CLIP1: variants seen among roughly 807,000 people sequenced by gnomAD.
CLIP1 encodes CAP-Gly domain containing linker protein 1.
Under a neutral mutation model 161.6 loss-of-function variants are expected in CLIP1, and 66 were observed. The observed-to-expected ratio is 0.41, with a 90% confidence interval of 0.33 to 0.50. CLIP1 has a LOEUF of 0.50. Among genes scored for constraint, CLIP1 ranks in the 20% least tolerant of loss-of-function variants. The pLI is 0.27. For missense variants in CLIP1, 1,376 were observed against 1,702.0 expected (o/e 0.81, Z 3.37); for synonymous variants, 598 against 626.2 (o/e 0.96, Z 0.67).
rs558821773 is a variant in CLIP1, at chr12:122,311,579, C to T, written c.3474-1697G>A. 5.3e-5 allele frequency among the ~76,000 whole-genome samples: 8 copies of T among 152,150 alleles called. No homozygotes were observed. The highest frequency in any genetic ancestry group is 9.6e-5 in the African/African-American group (4 of 41,514). ...AACTGGGACTACAGGTGTCCGCCAC[C>T]GCGCCCAGCCAATTTTTGTATTTTT... On this transcript the variant is annotated intron_variant, in intron 19 of 25. Transcript: ENST00000620786. This position sits in a 1 kb window ranked among gnomAD's most constrained non-coding sequence, Gnocchi z 4.3.
At chr12:122,421,280 C>A (rs1438262326) in intron 1 of CLIP1, among the ~76,000 whole-genome samples, 2 of 151,662 alleles carry the variant, frequency 1.3e-5, no homozygotes, top group African/African-American at 2.4e-5. Flanking sequence ...AAAAAAGGCC[C>A]CAAGTCTGAG....
chr12:122,377,487 T>G lies in CLIP1; in HGVS notation c.559A>C (p.Asn187His). 1 of 1,614,130 alleles carries G rather than the reference T, an allele frequency of 6.2e-7. No homozygotes were observed. The highest frequency in any genetic ancestry group is 8.5e-7 in the Non-Finnish European group (1 of 1,180,030). The change falls in exon 3 of 26, where the codon AAC becomes CAC. Residue 187 changes from asparagine to histidine, a missense_variant. By Grantham distance (68) the Asn-to-His change is moderately conservative (BLOSUM62 1). Around this residue, in one of 6 missense-constraint regions of CLIP1, gnomAD observed 119 missense variants for 112.0 expected, o/e 1.06. Transcript: ENST00000620786. ...KEPSATPPISNLTKTASESIS... is the reference protein window; with the variant it reads ...KEPSATPPISHLTKTASESIS... ...GATTCACTGGCAGTTTTTGTAAGGT[T>G]GCTGATCGGAGGCGTAGCTGAAGGT...
chr12:122,272,676 A>G lies in CLIP1; in HGVS notation c.*199T>C, dbSNP rs1955222669. ...AAAACAAAATTCGAGGTGAAAACTC[A>G]CCTACTAAATATTTATTATTCTAAC... On this transcript the variant is annotated 3_prime_UTR_variant, in exon 26 of 26. Transcript: ENST00000620786. The G allele has an allele frequency of 1.8e-6, 1 of 563,860 alleles. No individual in the cohort carries two copies. The allele number at this position is 563,860 out of a possible 1,614,324, so 34.9% of individuals were successfully genotyped here.
In CLIP1 at chr12:122,273,510, CA is replaced by C. The variant is rs770749610; in HGVS notation, c.4092-411del. Reference sequence around the variant, plus strand: ...AGGTGATCTGCCCACCTCGGCCTCCCAAAGTGCTGGGATTACAGTCGTGGCC... The same window carrying C: ...AGGTGATCTGCCCACCTCGGCCTCCCAAGTGCTGGGATTACAGTCGTGGCC... On this transcript the variant is annotated intron_variant, in intron 25 of 25. Coordinates refer to ENST00000620786, the MANE Select transcript of CLIP1 (RefSeq NM_001247997.2). 8.3e-4 allele frequency among the ~76,000 whole-genome samples: 126 copies of C among 152,172 alleles called. 1 individual carries two copies. The highest frequency in any genetic ancestry group is 2.9e-4 in the Non-Finnish European group (20 of 68,040).
chr12:122,401,722 G>A (rs1956149266), intron 1 of CLIP1, among the ~76,000 whole-genome samples: 1 of 151,780 alleles, frequency 6.6e-6, no homozygotes, highest in South Asian at 2.1e-4. Context: ...ATCTCGGCTG[G>A]GCATGCTGGC....
chr12:122,356,969 G>C (rs1020072757), intron 5 of CLIP1, among the ~76,000 whole-genome samples: 1 of 152,210 alleles, frequency 6.6e-6, no homozygotes, highest in Non-Finnish European at 1.5e-5. Flanking sequence ...GAGTGCAGTA[G>C]CGTGATCTCG....
intron 20 of CLIP1, among the ~76,000 whole-genome samples, chr12:122,293,111 A>T (rs1230840585): frequency 6.6e-6 from 1 of 152,166 alleles, no homozygotes; most frequent in Non-Finnish European, 1.5e-5. Flanking sequence ...AGAATATAGT[A>T]AGAACTTTCA....
chr12:122,318,245 A>T (rs1411914044), intron 18 of CLIP1, among the ~76,000 whole-genome samples: 4 of 152,126 alleles, frequency 2.6e-5, no homozygotes, highest in Admixed American at 1.3e-4. Context: ...TACTTTTAAA[A>T]GTATCTGGGC....
At chr12:122,389,583 A>G (rs1955493491) in intron 1 of CLIP1, among the ~76,000 whole-genome samples, 1 of 151,908 alleles carries the variant, frequency 6.6e-6, no homozygotes, top group South Asian at 2.1e-4. Context: ...ACATGGCGAA[A>G]CCCCGTCTCT....
At position 122,323,749 on chromosome 12, in the gene CLIP1, A is replaced by G. The variant is rs1236750614; in HGVS notation, c.3249+4198T>C. On this transcript the variant is annotated intron_variant, in intron 17 of 25. Coordinates refer to ENST00000620786, the MANE Select transcript of CLIP1 (RefSeq NM_001247997.2). The surrounding 1 kb of genome is among the most constrained non-coding windows in gnomAD (Gnocchi z 4.1). ...ATTTCTCTAAAGCTGACTTTTTCTC[A>G]GCTGTGAGATCTTCAGTCTCCTGTA... The G allele has an allele frequency of 2.0e-5, 3 of 152,660 alleles. No individual in the cohort carries two copies. Among genetic ancestry groups the G allele is most frequent in the South Asian group, 2.1e-4 (1 of 4,830 alleles). The allele number at this position is 152,660 out of a possible 1,614,324, so 9.5% of individuals were successfully genotyped here.
intron 20 of CLIP1, among the ~76,000 whole-genome samples, chr12:122,292,883 G>T (rs1214349636): frequency 6.6e-6 from 1 of 151,282 alleles, no homozygotes; most frequent in Non-Finnish European, 1.5e-5. Flanking sequence ...GGCGCCTGTA[G>T]TCCCAGCTAC....
chr12:122,414,888 A>G (rs539300175), intron 1 of CLIP1, among the ~76,000 whole-genome samples: 2 of 152,124 alleles, frequency 1.3e-5, no homozygotes, highest in South Asian at 4.2e-4. Context: ...CATTATGTAT[A>G]TTAAAAATGC....
At chr12:122,276,382 C>CCCCACACACACACACA in intron 24 of CLIP1, 2 of 1,160,594 alleles carry the variant, frequency 1.7e-6, no homozygotes, top group Non-Finnish European at 2.2e-6. Flanking sequence ...TAGTGGGAAA[C>CCCCACACACACACACA]CACACACACA....
intron 19 of CLIP1, among the ~76,000 whole-genome samples, chr12:122,314,336 C>T (rs1204195331): frequency 2.0e-5 from 3 of 149,752 alleles, no homozygotes; most frequent in African/African-American, 7.4e-5. Context: ...CTGGGCATGG[C>T]GACGCGCGCC....
chr12:122,401,529 G>T (rs60196769), intron 1 of CLIP1, among the ~76,000 whole-genome samples: 1 of 151,948 alleles, frequency 6.6e-6, no homozygotes, highest in Non-Finnish European at 1.5e-5. Context: ...GCCAGGCGGC[G>T]TGGTGGCACA....
At chr12:122,326,463 T>C (rs957566369) in intron 17 of CLIP1, among the ~76,000 whole-genome samples, 7 of 152,236 alleles carry the variant, frequency 4.6e-5, no homozygotes, top group African/African-American at 1.7e-4. Flanking sequence ...GTGGATCGCT[T>C]GCATCCAGGG....
intron 17 of CLIP1, among the ~76,000 whole-genome samples, chr12:122,327,559 T>C (rs1951755280): frequency 6.6e-6 from 1 of 152,042 alleles, no homozygotes; most frequent in Admixed American, 6.6e-5. Context: ...GACCTCTGCC[T>C]CTTGCTTTAT....
chr12:122,334,051 C>G lies in CLIP1; in HGVS notation c.2686G>C (p.Glu896Gln), dbSNP rs762910298. 3.3e-5 allele frequency: 53 copies of G among 1,612,704 alleles called. No individual in the cohort carries two copies. Among genetic ancestry groups the G allele is most frequent in the Admixed American group, 8.3e-5 (5 of 59,992 alleles). ...EQFNMLSSDL[E>Q]KLRENLADME... Reference sequence around the variant, plus strand: ...CCTGCTAAGTTTTCTCTCAGCTTCTCCAAGTCAGAAGACAGCATGTTAAAC... The same window carrying G: ...CCTGCTAAGTTTTCTCTCAGCTTCTGCAAGTCAGAAGACAGCATGTTAAAC... The change falls in exon 14 of 26, where the codon GAG (glutamate) becomes CAG (glutamine). Residue 896 changes from glutamate (E) to glutamine (Q), a missense_variant. Transcript: ENST00000620786.
At chr12:122,320,299 C>A (rs1951442735) in intron 17 of CLIP1, among the ~76,000 whole-genome samples, 1 of 150,852 alleles carries the variant, frequency 6.6e-6, no homozygotes, top group African/African-American at 2.4e-5. Flanking sequence ...GTAAAAATAA[C>A]CATAAAAATA....
Sources: allele counts gnomAD v4.1 joint callset (sites outside exome capture counted in the v4.1 genomes callset), GRCh38; gene constraint gnomAD v4.1.1; regional missense constraint gnomAD v4.1.1; non-coding constraint Gnocchi (gnomAD v3.1); transcripts MANE v1.5; gene names NCBI Gene and HGNC (gene_info 2026-07-23, HGNC 2026-07-21).